Variants in DDAH1 observed in about 807,000 individuals in gnomAD.
DDAH1 encodes the protein dimethylarginine dimethylaminohydrolase 1.
Under a neutral mutation model 28.8 loss-of-function variants are expected in DDAH1, and 19 were observed. The ratio of observed to expected loss-of-function variants is 0.66; its 90% CI spans 0.46 to 0.97. The LOEUF is 0.97. Among genes scored for constraint, DDAH1 ranks in the 50% least tolerant of loss-of-function variants. The probability of loss-of-function intolerance (pLI) is 0.00; values close to 1 mark genes in which losing one functional copy is unlikely to be tolerated. For missense variants in DDAH1, 326 were observed against 375.9 expected, an observed-to-expected ratio of 0.87 and a Z score of 1.10; for synonymous variants, 153 against 154.4, an observed-to-expected ratio of 0.99 and a Z score of 0.07.
intron 1 of DDAH1, among the ~76,000 whole-genome samples, chr1:85,572,318 A>T (rs1273892322): frequency 6.6e-6 from 1 of 152,196 alleles, no homozygotes; most frequent in Non-Finnish European, 1.5e-5. Context: ...TATTTAAGTG[A>T]CAGATTCACA....
chr1:85,546,131 CA>C (rs111839145), intron 1 of DDAH1, among the ~76,000 whole-genome samples: 277 of 136,118 alleles, frequency 2.0e-3, no homozygotes, highest in South Asian at 0.02. Flanking sequence ...AATGTGTCTC[CA>C]AAAAAAAAAA....
At chr1:85,571,070 C>T (rs527833241) in intron 1 of DDAH1, among the ~76,000 whole-genome samples, 21 of 152,282 alleles carry the variant, frequency 1.4e-4, no homozygotes, top group African/African-American at 4.8e-4. Context: ...CCTTCATTCC[C>T]TAAGCTTAGA....
At chr1:85,450,606 C>T (rs1654629803) in intron 1 of DDAH1, among the ~76,000 whole-genome samples, 1 of 152,174 alleles carries the variant, frequency 6.6e-6, no homozygotes, top group South Asian at 2.1e-4. Flanking sequence ...CCACTGTAAT[C>T]ACTGTTGTAT....
intron 1 of DDAH1, among the ~76,000 whole-genome samples, chr1:85,554,096 C>T (rs980161337): frequency 3.3e-5 from 5 of 152,130 alleles, no homozygotes; most frequent in African/African-American, 1.2e-4. Flanking sequence ...TAGTTTTCAA[C>T]CATTCTTTTG....
In DDAH1 at chr1:85,319,859, A is replaced by C. The variant is rs960577922; in HGVS notation, c.*1593T>G. On this transcript the variant is annotated 3_prime_UTR_variant, in exon 6 of 6. Transcript: ENST00000284031. ...GTTAAGGATGTTTTCATTTTCTCAG[A>C]GGTTTCTCCTTCCATCTGCTACGGG... 1 of 25,170 alleles carries C rather than the reference A, an allele frequency of 4.0e-5. No homozygotes were observed. Among genetic ancestry groups the C allele is most frequent in the Non-Finnish European group, 9.0e-5 (1 of 11,112 alleles). The allele number at this position is 25,170 out of a possible 1,614,324, so 1.6% of individuals were successfully genotyped here. A position where few individuals can be genotyped will look rare whatever the true frequency, so the allele number is the denominator to read the frequency against.
chr1:85,575,574 A>G (rs754853082), intron 1 of DDAH1, among the ~76,000 whole-genome samples: 1 of 152,208 alleles, frequency 6.6e-6, no homozygotes, highest in Non-Finnish European at 1.5e-5. Context: ...ACATTACGCA[A>G]TTCTCAGGGG....
chr1:85,516,432 T>C (rs569252645), intron 1 of DDAH1, among the ~76,000 whole-genome samples: 70 of 148,898 alleles, frequency 4.7e-4, no homozygotes, highest in South Asian at 4.2e-3. Context: ...ACAGAGAAAA[T>C]TGAAGATAGA....
intron 4 of DDAH1, among the ~76,000 whole-genome samples, chr1:85,326,655 C>T (rs1647414978): frequency 1.3e-5 from 2 of 152,258 alleles, no homozygotes; most frequent in South Asian, 4.1e-4. Context: ...TATTCATTCT[C>T]TGGCAGTACC....
At chr1:85,436,317 C>T (rs1653942656) in intron 1 of DDAH1, among the ~76,000 whole-genome samples, 1 of 151,590 alleles carries the variant, frequency 6.6e-6, no homozygotes, top group South Asian at 2.1e-4. Flanking sequence ...TACTTTCATG[C>T]TTTTGTATTG....
intron 1 of DDAH1, among the ~76,000 whole-genome samples, chr1:85,381,578 T>G (rs1199739069): frequency 1.3e-5 from 2 of 152,096 alleles, no homozygotes; most frequent in African/African-American, 2.4e-5. Flanking sequence ...GGAATTCCGC[T>G]GTCATCCTAG....
At chr1:85,557,390 CAAT>C (rs1469620042) in intron 1 of DDAH1, among the ~76,000 whole-genome samples, 1 of 152,114 alleles carries the variant, frequency 6.6e-6, no homozygotes, top group African/African-American at 2.4e-5. Context: ...ATGCTTACAA[CAAT>C]GTTATAAGAT....
At chr1:85,378,340 T>C (rs1650792348) in intron 1 of DDAH1, among the ~76,000 whole-genome samples, 1 of 152,216 alleles carries the variant, frequency 6.6e-6, no homozygotes, top group African/African-American at 2.4e-5. Context: ...GATTGTGCTC[T>C]GCTGTAGAAG....
intron 1 of DDAH1, among the ~76,000 whole-genome samples, chr1:85,386,944 G>A (rs556763305): frequency 1.4e-4 from 21 of 152,280 alleles, no homozygotes; most frequent in Middle Eastern, 3.4e-3. Context: ...ACAGACAATT[G>A]GAGAAATAAC....
intron 2 of DDAH1, among the ~76,000 whole-genome samples, chr1:85,471,761 G>C (rs1203852858): frequency 6.6e-6 from 1 of 152,208 alleles, no homozygotes; most frequent in Non-Finnish European, 1.5e-5. Context: ...GCCCACGACA[G>C]TGATAGGGAC....
intron 1 of DDAH1, among the ~76,000 whole-genome samples, chr1:85,557,124 A>G (rs1658995388): frequency 1.3e-5 from 2 of 152,190 alleles, no homozygotes; most frequent in African/African-American, 4.8e-5. Context: ...CTCAAAAGAA[A>G]TAGAAAAGAA....
chr1:85,460,405 T>C (rs535801546), intron 1 of DDAH1, among the ~76,000 whole-genome samples: 2 of 152,328 alleles, frequency 1.3e-5, no homozygotes, highest in South Asian at 4.1e-4. Context: ...GACTTCTTCC[T>C]GAAGAGGCCC....
intron 1 of DDAH1, among the ~76,000 whole-genome samples, chr1:85,520,739 A>C (rs1206209484): frequency 6.6e-6 from 1 of 152,242 alleles, no homozygotes; most frequent in Non-Finnish European, 1.5e-5. Flanking sequence ...CGCAGGGGAC[A>C]ATAGGAGTTC....
intron 1 of DDAH1, among the ~76,000 whole-genome samples, chr1:85,401,501 C>CTTTTTTTTTTT (rs34520534): frequency 9.7e-6 from 1 of 103,362 alleles, no homozygotes; most frequent in African/African-American, 3.8e-5. Flanking sequence ...TTTTTTCTTT[C>CTTTTTTTTTTT]TTTTTTTTTT....
chr1:85,356,999 T>C (rs941683753), intron 2 of DDAH1, among the ~76,000 whole-genome samples: 13 of 152,208 alleles, frequency 8.5e-5, no homozygotes, highest in Non-Finnish European at 1.6e-4. Flanking sequence ...ATGGCTATGT[T>C]CTGATAAAAA....
Sources: gnomAD v4.1 joint callset for allele counts (sites outside exome capture counted in the v4.1 genomes callset) on GRCh38, gnomAD v4.1.1 for gene constraint, MANE v1.5 for transcripts, NCBI Gene and HGNC (gene_info 2026-07-23, HGNC 2026-07-21) for gene names.